Variants in CAPZB observed in about 807,000 individuals in gnomAD.
CAPZB encodes the protein F-actin-capping protein subunit beta.
In CAPZB, 2 loss-of-function variants were observed where a neutral mutation model predicts 38.1. That is an observed-to-expected ratio of 0.05 (90% confidence interval 0.02 to 0.17). CAPZB has a LOEUF of 0.17. Ranked by LOEUF, CAPZB falls within the 10% of genes least tolerant of loss-of-function variation. The pLI is 1.00. For missense variants in CAPZB, 161 were observed against 334.2 expected, an observed-to-expected ratio of 0.48 and a Z score of 4.04; for synonymous variants, 107 against 127.4, an observed-to-expected ratio of 0.84 and a Z score of 1.08.
chr1:19,389,931 C>A lies in CAPZB; in HGVS notation c.94-4305G>T, dbSNP rs565763031. Among the ~76,000 whole-genome samples the A allele has an allele frequency of 2.0e-4, 31 of 152,354 alleles. No homozygotes were observed. In the South Asian group the frequency reaches 6.4e-3, roughly 32 times the overall value. On this transcript the variant is annotated intron_variant, in intron 2 of 8. Transcript: ENST00000264202. ...AATACTGCCAATGACTTTCACCTTA[C>A]TCCTTCCTCACCACTTAGCATTTTT...
chr1:19,404,355 C>T (rs1478789578), intron 2 of CAPZB, among the ~76,000 whole-genome samples: 1 of 151,172 alleles, frequency 6.6e-6, no homozygotes, highest in Non-Finnish European at 1.5e-5. Flanking sequence ...ACCAGCCTGG[C>T]CAAATTGGTA....
chr1:19,449,461 C>T (rs139301647), intron 1 of CAPZB: 4,383 of 386,594 alleles, frequency 0.011, 32 homozygotes, highest in Non-Finnish European at 0.014. Context: ...TGGAACAGTA[C>T]GAAACAGCTA....
At chr1:19,484,756 G>C (rs2094644803) in intron 1 of CAPZB, 2 of 1,029,798 alleles carry the variant, frequency 1.9e-6, no homozygotes, top group Admixed American at 5.1e-5. Flanking sequence ...GGTTACGCTA[G>C]GAGTGGCGAA....
chr1:19,470,737 C>A (rs995981626), intron 1 of CAPZB, among the ~76,000 whole-genome samples: 7 of 152,366 alleles, frequency 4.6e-5, no homozygotes, highest in African/African-American at 1.7e-4. Flanking sequence ...GGGTTCAAGA[C>A]CTGACTCTGC....
intron 1 of CAPZB, among the ~76,000 whole-genome samples, chr1:19,433,428 A>G (rs977353111): frequency 6.6e-6 from 1 of 152,184 alleles, no homozygotes; most frequent in African/African-American, 2.4e-5. Flanking sequence ...CTTTTTTCAT[A>G]GCAGAAGCAG....
intron 1 of CAPZB, among the ~76,000 whole-genome samples, chr1:19,428,197 G>A (rs962863009): frequency 6.6e-6 from 1 of 152,252 alleles, no homozygotes; most frequent in African/African-American, 2.4e-5. Flanking sequence ...GAGGTCAGGA[G>A]TTCAAGACCA....
chr1:19,434,302 T>G (rs1405976220), intron 1 of CAPZB, among the ~76,000 whole-genome samples: 2 of 152,176 alleles, frequency 1.3e-5, no homozygotes, highest in Non-Finnish European at 2.9e-5. Flanking sequence ...GATTCCTTCA[T>G]CTGTTTAGCG....
intron 4 of CAPZB, among the ~76,000 whole-genome samples, chr1:19,368,177 G>C (rs545159463): frequency 3.9e-5 from 6 of 152,306 alleles, no homozygotes; most frequent in African/African-American, 1.4e-4. Flanking sequence ...TCTGGGAGTA[G>C]ATGTCAGGCT....
chr1:19,399,230 G>A (rs2094290031), intron 2 of CAPZB, among the ~76,000 whole-genome samples: 1 of 152,184 alleles, frequency 6.6e-6, no homozygotes, highest in Non-Finnish European at 1.5e-5. Context: ...TATGTTATGT[G>A]AATTATATCT....
chr1:19,432,416 T>C (rs905038506), intron 1 of CAPZB, among the ~76,000 whole-genome samples: 1 of 152,170 alleles, frequency 6.6e-6, no homozygotes, highest in Non-Finnish European at 1.5e-5. Context: ...CACTCCAGCC[T>C]GGGTGATAAG....
intron 1 of CAPZB, among the ~76,000 whole-genome samples, chr1:19,475,404 A>T (rs2050827): frequency 3.7e-4 from 56 of 152,140 alleles, no homozygotes; most frequent in African/African-American, 1.3e-3. Context: ...GTGTGACTTC[A>T]GGCCAAGCGC....
At chr1:19,409,805 A>C (rs2094349667) in intron 2 of CAPZB, among the ~76,000 whole-genome samples, 1 of 152,246 alleles carries the variant, frequency 6.6e-6, no homozygotes. Flanking sequence ...TCTAAGTTAA[A>C]TTTGCATGCA....
At chr1:19,413,118 C>CAATG in intron 2 of CAPZB, among the ~76,000 whole-genome samples, 1 of 152,184 alleles carries the variant, frequency 6.6e-6, no homozygotes, top group Non-Finnish European at 1.5e-5. Context: ...ATTCACTGGT[C>CAATG]AATGACCAAT....
intron 1 of CAPZB, among the ~76,000 whole-genome samples, chr1:19,477,146 T>C (rs1286928692): frequency 6.6e-6 from 1 of 152,198 alleles, no homozygotes; most frequent in Non-Finnish European, 1.5e-5. Context: ...ACTCTGTGAG[T>C]GAACACTCAA....
At chr1:19,406,436 G>A (rs1238022672) in intron 2 of CAPZB, among the ~76,000 whole-genome samples, 5 of 152,164 alleles carry the variant, frequency 3.3e-5, no homozygotes, top group Non-Finnish European at 7.3e-5. Context: ...TTCAACGTGG[G>A]AAGGGGGAAG....
chr1:19,456,868 G>A (rs1570323753), intron 1 of CAPZB, among the ~76,000 whole-genome samples: 1 of 152,168 alleles, frequency 6.6e-6, no homozygotes, highest in African/African-American at 2.4e-5. Flanking sequence ...TTGTTGCATG[G>A]GTCATCTGTA....
chr1:19,484,253 G>A (rs964195996), intron 1 of CAPZB: 7 of 1,612,344 alleles, frequency 4.3e-6, no homozygotes, highest in East Asian at 2.2e-5. Context: ...TCAGAGGGAA[G>A]GGGAGGCTGC....
At chr1:19,482,894 G>GT (rs1374048702) in intron 1 of CAPZB, among the ~76,000 whole-genome samples, 3 of 152,172 alleles carry the variant, frequency 2.0e-5, no homozygotes, top group African/African-American at 4.8e-5. Flanking sequence ...GGGGATAAAC[G>GT]TAACAATAAG....
chr1:19,372,892 G>C (rs1011538176), intron 4 of CAPZB, among the ~76,000 whole-genome samples: 1 of 152,156 alleles, frequency 6.6e-6, no homozygotes, highest in African/African-American at 2.4e-5. Flanking sequence ...TTGGGGACCA[G>C]GTGGGTGGGC....
Sources: allele counts gnomAD v4.1 joint callset (sites outside exome capture counted in the v4.1 genomes callset), GRCh38; gene constraint gnomAD v4.1.1; transcripts MANE v1.5; gene names NCBI Gene and HGNC (gene_info 2026-07-23, HGNC 2026-07-21).